The following NDUFAF2 variants were observed in gnomAD, a reference collection of about 807,000 sequenced individuals.
NDUFAF2 encodes the protein NADH dehydrogenase [ubiquinone] 1 alpha subcomplex assembly factor 2.
Under a neutral mutation model 22.8 loss-of-function variants are expected in NDUFAF2, and 13 were observed. The observed-to-expected ratio is 0.57, with a 90% confidence interval of 0.37 to 0.91. The LOEUF is 0.91. NDUFAF2 is among the 40% of genes least tolerant of loss of function. The probability of loss-of-function intolerance (pLI) is 0.01; values close to 1 mark genes in which losing one functional copy is unlikely to be tolerated. For synonymous variants in NDUFAF2, 53 were observed against 64.2 expected (o/e 0.83, Z 0.84); for missense variants, 162 against 195.2 (o/e 0.83, Z 1.01).
At position 61,056,919 on chromosome 5, in the gene NDUFAF2, AATATATATATATATATATAT is replaced by A. The variant is rs1174310851; in HGVS notation, c.128-16191_128-16172del. ...AAAAAAAAAAAAAAAAAAAAAAAAA[AATATATATATATATATATAT>A]ATATATATATATATTTATATGGTGC... On this transcript the variant is annotated intron_variant, in intron 1 of 3. Transcript: ENST00000296597. Among the ~76,000 whole-genome samples the A allele has an allele frequency of 3.5e-4, 10 of 28,808 alleles. 1 individual carries two copies. Among genetic ancestry groups the A allele is most frequent in the South Asian group, 1.4e-3 (1 of 718 alleles). The allele number at this position is 28,808 out of a possible 152,430, so 18.9% of individuals were successfully genotyped here. A position where few individuals can be genotyped will look rare whatever the true frequency, so the allele number is the denominator to read the frequency against.
At chr5:60,971,443 TG>T (rs1750828102) in intron 1 of NDUFAF2, among the ~76,000 whole-genome samples, 1 of 151,814 alleles carries the variant, frequency 6.6e-6, no homozygotes, top group South Asian at 2.1e-4. Flanking sequence ...CCCGCCACCG[TG>T]CCCGGCTAAT....
At chr5:61,145,467 G>A (rs552052424) in intron 3 of NDUFAF2, among the ~76,000 whole-genome samples, 3 of 152,220 alleles carry the variant, frequency 2.0e-5, no homozygotes, top group African/African-American at 7.2e-5. Flanking sequence ...TGCAAGTTGA[G>A]CAGCTCAAAT....
At chr5:61,054,063 C>A (rs554408501) in intron 1 of NDUFAF2, among the ~76,000 whole-genome samples, 1 of 152,058 alleles carries the variant, frequency 6.6e-6, no homozygotes, top group South Asian at 2.1e-4. Flanking sequence ...TAGCTGGGCA[C>A]GTTGGCATGT....
chr5:60,987,938 GA>G (rs1241320342), intron 1 of NDUFAF2, among the ~76,000 whole-genome samples: 1 of 152,056 alleles, frequency 6.6e-6, no homozygotes, highest in Non-Finnish European at 1.5e-5. Context: ...AATCAGGCAA[GA>G]AAAAGAAATA....
At chr5:60,984,035 T>G (rs2112580694) in intron 1 of NDUFAF2, among the ~76,000 whole-genome samples, 1 of 152,340 alleles carries the variant, frequency 6.6e-6, no homozygotes, top group African/African-American at 2.4e-5. Context: ...CCCATGAGCA[T>G]GGAATGTTCT....
chr5:60,987,658 C>T (rs1320364885), intron 1 of NDUFAF2, among the ~76,000 whole-genome samples: 1 of 152,082 alleles, frequency 6.6e-6, no homozygotes, highest in Admixed American at 6.6e-5. Flanking sequence ...TGATTCATTA[C>T]ATAATAGAAC....
chr5:61,111,711 T>G (rs538980162), intron 3 of NDUFAF2, among the ~76,000 whole-genome samples: 1 of 152,022 alleles, frequency 6.6e-6, no homozygotes, highest in South Asian at 2.1e-4. Context: ...CTCTGCCTCC[T>G]GGGTTTACAC....
chr5:61,143,573 C>A (rs1477654430), intron 3 of NDUFAF2, among the ~76,000 whole-genome samples: 2 of 151,984 alleles, frequency 1.3e-5, no homozygotes, highest in Non-Finnish European at 2.9e-5. Context: ...CACAAATGTA[C>A]CGCTAATGTA....
intron 1 of NDUFAF2, among the ~76,000 whole-genome samples, chr5:61,028,456 C>G (rs1290079719): frequency 6.6e-6 from 1 of 151,980 alleles, no homozygotes; most frequent in African/African-American, 2.4e-5. Flanking sequence ...TGGTGTTATC[C>G]TATTTACCTT....
chr5:60,945,896 C>T (rs1750440658), intron 1 of NDUFAF2, among the ~76,000 whole-genome samples: 1 of 152,160 alleles, frequency 6.6e-6, no homozygotes, highest in South Asian at 2.1e-4. Flanking sequence ...TTACCCTTTT[C>T]GGTGGCACCC....
At chr5:61,081,783 A>T (rs1481208765) in intron 2 of NDUFAF2, among the ~76,000 whole-genome samples, 1 of 152,226 alleles carries the variant, frequency 6.6e-6, no homozygotes, top group Non-Finnish European at 1.5e-5. Context: ...AAACTTACAT[A>T]CCATTGGGAA....
intron 1 of NDUFAF2, among the ~76,000 whole-genome samples, chr5:60,981,664 C>A (rs1375267388): frequency 6.6e-6 from 1 of 151,954 alleles, no homozygotes; most frequent in Non-Finnish European, 1.5e-5. Flanking sequence ...TAAATAGAAA[C>A]AACACAAAGT....
At chr5:60,986,135 A>G (rs1354657022) in intron 1 of NDUFAF2, among the ~76,000 whole-genome samples, 1 of 152,236 alleles carries the variant, frequency 6.6e-6, no homozygotes, top group Non-Finnish European at 1.5e-5. Context: ...CAGCAATATT[A>G]CTGCTATGTG....
At chr5:60,975,267 C>G (rs1261368544) in intron 1 of NDUFAF2, among the ~76,000 whole-genome samples, 1 of 151,946 alleles carries the variant, frequency 6.6e-6, no homozygotes, top group East Asian at 1.9e-4. Flanking sequence ...ATTACCTAGG[C>G]TTGCTGTTAT....
chr5:60,957,499 C>CT (rs35202855), intron 1 of NDUFAF2, among the ~76,000 whole-genome samples: 56 of 149,670 alleles, frequency 3.7e-4, no homozygotes, highest in South Asian at 8.4e-4. Context: ...GATCTGTTTA[C>CT]TTTTTTTTTT....
chr5:61,152,831 T>A lies in NDUFAF2; in HGVS notation c.386T>A (p.Ile129Asn), dbSNP rs1244524991. 3.5e-5 allele frequency: 57 copies of A among 1,606,288 alleles called. No homozygotes were observed. The highest frequency in any genetic ancestry group is 4.7e-5 in the Non-Finnish European group (55 of 1,175,844). ...ELLPPPVQTQ[I>N]KGHASAPYFG... ...CTGCCTCCACCAGTTCAAACTCAAA[T>A]TAAAGGCCATGCCTCTGCTCCATAC... The change falls in exon 4 of 4, where the codon ATT (isoleucine) becomes AAT (asparagine). Residue 129 changes from isoleucine to asparagine, a missense_variant. Coordinates refer to ENST00000296597, the MANE Select transcript of NDUFAF2 (RefSeq NM_174889.5).
At chr5:61,136,734 G>T (rs963893069) in intron 3 of NDUFAF2, among the ~76,000 whole-genome samples, 3 of 152,176 alleles carry the variant, frequency 2.0e-5, no homozygotes, top group African/African-American at 7.2e-5. Flanking sequence ...CTGGTTAAAT[G>T]CTGTGGGCAA....
At chr5:61,133,860 C>T (rs1753142118) in intron 3 of NDUFAF2, among the ~76,000 whole-genome samples, 1 of 152,186 alleles carries the variant, frequency 6.6e-6, no homozygotes, top group Non-Finnish European at 1.5e-5. Context: ...GCATAAAGGG[C>T]AGGCAAAAAC....
chr5:60,954,188 A>G (rs1433633439), intron 1 of NDUFAF2, among the ~76,000 whole-genome samples: 3 of 152,194 alleles, frequency 2.0e-5, no homozygotes, highest in Non-Finnish European at 4.4e-5. Flanking sequence ...TAAGATAGCC[A>G]AAGACCTATG....
Sources: gnomAD v4.1 joint callset for allele counts (sites outside exome capture counted in the v4.1 genomes callset) on GRCh38, gnomAD v4.1.1 for gene constraint, MANE v1.5 for transcripts, NCBI Gene and HGNC (gene_info 2026-07-23, HGNC 2026-07-21) for gene names.